The following TBC1D5 variants were observed in gnomAD, a reference collection of about 807,000 sequenced individuals.
TBC1D5 encodes the protein TBC1 domain family member 5, also known as TBC1 domain family, member 5.
TBC1D5 carries 75 observed loss-of-function variants against 100.3 expected under a neutral mutation model. That is an observed-to-expected ratio of 0.75 (90% CI 0.62 to 0.91). The LOEUF is 0.91. Ranked by LOEUF, TBC1D5 falls within the 40% of genes least tolerant of loss-of-function variation. The probability of loss-of-function intolerance (pLI) is 0.00; values close to 1 mark genes in which losing one functional copy is unlikely to be tolerated. For missense variants in TBC1D5, 910 were observed against 942.4 expected (o/e 0.97, Z 0.45); for synonymous variants, 323 against 325.6 (o/e 0.99, Z 0.09).
At chr3:17,715,914 T>G (rs760387033) in intron 1 of TBC1D5, among the ~76,000 whole-genome samples, 1 of 151,904 alleles carries the variant, frequency 6.6e-6, no homozygotes, top group Non-Finnish European at 1.5e-5. Flanking sequence ...TAGCCAGATG[T>G]GGTGGCACAT....
chr3:17,704,449 A>G (rs1184071048), intron 1 of TBC1D5, among the ~76,000 whole-genome samples: 2 of 147,994 alleles, frequency 1.4e-5, no homozygotes, highest in Non-Finnish European at 3.0e-5. Flanking sequence ...CACCTCCCAG[A>G]CGGGGTGGTG....
intron 8 of TBC1D5, among the ~76,000 whole-genome samples, chr3:17,387,735 A>C (rs898691013): frequency 2.0e-5 from 3 of 151,418 alleles, no homozygotes; most frequent in Non-Finnish European, 4.4e-5. Flanking sequence ...ATATCATTGG[A>C]AAGGCAAATC....
At chr3:17,671,508 CA>C (rs1259015519) in intron 1 of TBC1D5, among the ~76,000 whole-genome samples, 2 of 151,864 alleles carry the variant, frequency 1.3e-5, no homozygotes, top group Admixed American at 1.3e-4. Flanking sequence ...TATCCTTAAT[CA>C]AAAAAAGGTG....
intron 19 of TBC1D5, among the ~76,000 whole-genome samples, chr3:17,178,565 T>C (rs1289096177): frequency 2.6e-5 from 4 of 152,218 alleles, no homozygotes; most frequent in Non-Finnish European, 5.9e-5. Context: ...TTTAGCTCAA[T>C]TTTTAGTTTT....
chr3:17,617,177 G>A (rs1215823359), intron 2 of TBC1D5, among the ~76,000 whole-genome samples: 1 of 152,108 alleles, frequency 6.6e-6, no homozygotes, highest in Non-Finnish European at 1.5e-5. Context: ...GAAATTCTGG[G>A]TTGAAAATTC....
intron 1 of TBC1D5, among the ~76,000 whole-genome samples, chr3:17,630,145 C>T (rs1299777969): frequency 5.3e-5 from 8 of 152,132 alleles, no homozygotes; most frequent in Non-Finnish European, 1.0e-4. Context: ...AAGTTCTCAA[C>T]CAAGTCATTT....
rs568346188 is a variant in TBC1D5, at chr3:17,191,628, T to G, written c.1753-6420A>C. On this transcript the variant is annotated intron_variant, in intron 18 of 21. Coordinates refer to ENST00000253692, the Ensembl canonical transcript of TBC1D5. ...TATGCAAACCTTATTTTTTATTTAT[T>G]TTTTTTGAGACAGAGTCTCGCTCTG... 3.3e-5 allele frequency among the ~76,000 whole-genome samples: 5 copies of G among 152,226 alleles called. No homozygotes were observed. The East Asian group carries it at 9.6e-4, about 29-fold the overall frequency.
chr3:17,498,349 G>A (rs1338637632), intron 3 of TBC1D5, among the ~76,000 whole-genome samples: 1 of 152,044 alleles, frequency 6.6e-6, no homozygotes, highest in African/African-American at 2.4e-5. Context: ...ATACAGTAAT[G>A]GTGAACTAAT....
intron 2 of TBC1D5, among the ~76,000 whole-genome samples, chr3:17,522,929 A>C (rs1172712249): frequency 6.6e-6 from 1 of 152,200 alleles, no homozygotes; most frequent in Non-Finnish European, 1.5e-5. Flanking sequence ...ACAAAACTTC[A>C]TACCATGCTT....
intron 1 of TBC1D5, among the ~76,000 whole-genome samples, chr3:17,714,659 A>G (rs1236758797): frequency 1.3e-5 from 2 of 152,228 alleles, no homozygotes; most frequent in Non-Finnish European, 2.9e-5. Flanking sequence ...AAGTCTTTGC[A>G]AAAACACTTT....
In TBC1D5 at chr3:17,284,089, T is replaced by TACACACACACACACACACACACACAC. The variant is rs58307801; in HGVS notation, c.1245+7780_1245+7805dup. On this transcript the variant is annotated intron_variant, in intron 15 of 21. Coordinates refer to ENST00000253692, the Ensembl canonical transcript of TBC1D5. Reference sequence around the variant, plus strand: ...CAGATTCTACCCTCACTCATTATTTTACACACACACACACACACACACACA... The same window carrying TACACACACACACACACACACACACAC: ...CAGATTCTACCCTCACTCATTATTTTACACACACACACACACACACACACACACACACACACACACACACACACACA... Among the ~76,000 whole-genome samples, 220 of 132,800 alleles carry TACACACACACACACACACACACACAC rather than the reference T, an allele frequency of 1.7e-3. 1 individual carries two copies. The highest frequency in any genetic ancestry group is 2.2e-3 in the Non-Finnish European group (140 of 63,088). The allele number at this position is 132,800 out of a possible 152,430, so 87.1% of individuals were successfully genotyped here.
At chr3:17,655,650 A>C (rs1305862714) in intron 1 of TBC1D5, among the ~76,000 whole-genome samples, 1 of 152,272 alleles carries the variant, frequency 6.6e-6, no homozygotes, top group Non-Finnish European at 1.5e-5. Flanking sequence ...AAAATCTGAA[A>C]TACTACAAAA....
intron 1 of TBC1D5, among the ~76,000 whole-genome samples, chr3:17,644,864 AG>A (rs2064870779): frequency 6.6e-6 from 1 of 152,110 alleles, no homozygotes; most frequent in South Asian, 2.1e-4. Flanking sequence ...CCTGGAAACT[AG>A]TGCAAGATTA....
At chr3:17,641,412 T>C (rs2064488836) in intron 1 of TBC1D5, among the ~76,000 whole-genome samples, 1 of 152,034 alleles carries the variant, frequency 6.6e-6, no homozygotes, top group Admixed American at 6.6e-5. Flanking sequence ...GGCTGCAAGA[T>C]TTTGGGAAAA....
At chr3:17,658,365 T>C (rs1233566318) in intron 1 of TBC1D5, among the ~76,000 whole-genome samples, 3 of 152,096 alleles carry the variant, frequency 2.0e-5, no homozygotes, top group Non-Finnish European at 4.4e-5. Flanking sequence ...TGTTCAAAAA[T>C]CCAGTAGAAG....
intron 17 of TBC1D5, among the ~76,000 whole-genome samples, chr3:17,225,543 T>C (rs1403717776): frequency 6.6e-6 from 1 of 151,832 alleles, no homozygotes; most frequent in Non-Finnish European, 1.5e-5. Flanking sequence ...GTCTCCCACC[T>C]GTAATTTCAG....
At chr3:17,530,392 T>G (rs1449949520) in intron 2 of TBC1D5, among the ~76,000 whole-genome samples, 1 of 151,936 alleles carries the variant, frequency 6.6e-6, no homozygotes, top group Non-Finnish European at 1.5e-5. Context: ...AAGAGGGTAA[T>G]CAGAGCTCAT....
chr3:17,399,212 G>A (rs936970029), intron 8 of TBC1D5, among the ~76,000 whole-genome samples: 17 of 152,124 alleles, frequency 1.1e-4, no homozygotes, highest in Admixed American at 5.9e-4. Flanking sequence ...GGCACAGGGA[G>A]TCATAGAAAG....
At chr3:17,540,574 C>CT (rs2096341458) in intron 2 of TBC1D5, among the ~76,000 whole-genome samples, 1 of 152,040 alleles carries the variant, frequency 6.6e-6, no homozygotes. Flanking sequence ...GTTGAAAAGA[C>CT]TATCTTTTCT....
Sources: gnomAD v4.1 joint callset for allele counts (sites outside exome capture counted in the v4.1 genomes callset) on GRCh38, gnomAD v4.1.1 for gene constraint, MANE v1.5 for transcripts, NCBI Gene and HGNC (gene_info 2026-07-23, HGNC 2026-07-21) for gene names.